SAMD8: variants seen among roughly 807,000 people sequenced by gnomAD.
SAMD8 encodes sterile alpha motif domain containing 8.
SAMD8 carries 20 observed loss-of-function variants against 42.0 expected under a neutral mutation model. The ratio of observed to expected loss-of-function variants is 0.48; its 90% CI spans 0.34 to 0.69. SAMD8 has a LOEUF of 0.69. Among genes scored for constraint, SAMD8 ranks in the 30% least tolerant of loss-of-function variants. The pLI, the probability that SAMD8 is intolerant of heterozygous loss-of-function variation, is 0.01. For synonymous variants in SAMD8, 162 were observed against 173.0 expected, an observed-to-expected ratio of 0.94 and a Z score of 0.50; for missense variants, 328 against 511.6, an observed-to-expected ratio of 0.64 and a Z score of 3.46.
At chr10:75,105,806 G>A in intron 1 of SAMD8, 1 of 1,551,008 alleles carries the variant, frequency 6.4e-7, no homozygotes, top group Non-Finnish European at 8.7e-7. Context: ...TGCAGCATGA[G>A]GTAGGCCAGG....
chr10:75,105,225 T>C (rs768616116), intron 1 of SAMD8, among the ~76,000 whole-genome samples: 71 of 152,218 alleles, frequency 4.7e-4, no homozygotes, highest in Middle Eastern at 3.4e-3. Flanking sequence ...ATGTGGAGGT[T>C]CAGGAGGGTC....
At chr10:75,132,681 G>A (rs1019275991) in intron 1 of SAMD8, among the ~76,000 whole-genome samples, 3 of 132,294 alleles carry the variant, frequency 2.3e-5, no homozygotes, top group Non-Finnish European at 4.6e-5. Context: ...GACTGAAATA[G>A]CTGTCCAAAG....
rs183287257 is a variant in SAMD8 at position 75,120,925 on chromosome 10, C to T, written c.-16+9203C>T. On this transcript the variant is annotated intron_variant, in intron 1 of 5. Transcript: ENST00000542569. The stretch of plus-strand genomic sequence containing the variant: ...CCTCCCGAGTAGCTGGGACTACTGT[C>T]GTGCACCACCACACCTGGCTAATTT... Among the ~76,000 whole-genome samples, 23 of 151,884 alleles carry T rather than the reference C, an allele frequency of 1.5e-4. No homozygotes were observed. The East Asian group carries it at 2.7e-3, about 18-fold the overall frequency.
In SAMD8 at chr10:75,133,759, G is replaced by A. The variant is rs1589946594; in HGVS notation, c.-15-16755G>A. Reference sequence around the variant, plus strand: ...ACTCATATATGGAATCTAAAAACAAGTTAATCTTGTAGAAGTAGAAAGTAG... The same window carrying A: ...ACTCATATATGGAATCTAAAAACAAATTAATCTTGTAGAAGTAGAAAGTAG... On this transcript the variant is annotated intron_variant, in intron 1 of 5. Coordinates refer to ENST00000542569, the MANE Select transcript of SAMD8 (RefSeq NM_001174156.2). Among the ~76,000 whole-genome samples the A allele has an allele frequency of 2.0e-5, 3 of 152,312 alleles. No homozygotes were observed. In the South Asian group the frequency reaches 6.2e-4, roughly 32 times the overall value.
chr10:75,126,523 A>G (rs1255600745), intron 1 of SAMD8, among the ~76,000 whole-genome samples: 3 of 136,736 alleles, frequency 2.2e-5, no homozygotes, highest in African/African-American at 8.3e-5. Context: ...TTTTTTTGAG[A>G]CAGTATCTTG....
chr10:75,135,992 C>T (rs1839878867), intron 1 of SAMD8, among the ~76,000 whole-genome samples: 1 of 151,890 alleles, frequency 6.6e-6, no homozygotes, highest in African/African-American at 2.4e-5. Flanking sequence ...TCTATCTTTC[C>T]TAAAAATAAA....
intron 1 of SAMD8, among the ~76,000 whole-genome samples, chr10:75,139,655 G>T (rs900218255): frequency 2.6e-5 from 4 of 152,102 alleles, no homozygotes; most frequent in African/African-American, 9.7e-5. Context: ...ATCCTTTAGG[G>T]ATTAGTTTTC....
At chr10:75,142,724 C>T (rs149817976) in intron 1 of SAMD8, among the ~76,000 whole-genome samples, 4,041 of 152,250 alleles carry the variant, frequency 0.027, 83 homozygotes, top group Non-Finnish European at 0.043. Context: ...CATGAGCCAC[C>T]ACCCGGCCTA....
intron 1 of SAMD8, among the ~76,000 whole-genome samples, chr10:75,113,170 A>C (rs1308769975): frequency 6.6e-6 from 1 of 152,250 alleles, no homozygotes; most frequent in African/African-American, 2.4e-5. Flanking sequence ...ACATAGTTCC[A>C]AAACATAATT....
intron 1 of SAMD8, among the ~76,000 whole-genome samples, chr10:75,115,972 A>G (rs558285479): frequency 6.6e-6 from 1 of 152,080 alleles, no homozygotes; most frequent in Non-Finnish European, 1.5e-5. Context: ...CTATTAACTA[A>G]GAAAAACTTG....
chr10:75,108,214 G>C, upstream of SAMD8: 3 of 1,593,386 alleles, frequency 1.9e-6, no homozygotes, highest in Non-Finnish European at 2.6e-6. Context: ...GTGGCCCTGG[G>C]GAGGGCAGGA....
At chr10:75,131,212 T>C (rs941095014) in intron 1 of SAMD8, among the ~76,000 whole-genome samples, 20 of 152,236 alleles carry the variant, frequency 1.3e-4, no homozygotes, top group African/African-American at 4.1e-4. Flanking sequence ...TATAGTATTA[T>C]TTAATCTGAG....
chr10:75,143,772 A>T (rs1840072361), intron 1 of SAMD8, among the ~76,000 whole-genome samples: 1 of 151,816 alleles, frequency 6.6e-6, no homozygotes, highest in African/African-American at 2.4e-5. Flanking sequence ...GGAGTTTGTT[A>T]AGCTTCTTGG....
At chr10:75,160,363 ATTTT>A (rs57933345) in intron 2 of SAMD8, among the ~76,000 whole-genome samples, 1 of 143,040 alleles carries the variant, frequency 7.0e-6, no homozygotes, top group South Asian at 2.2e-4. Context: ...CGCCAGGCTA[ATTTT>A]TTTTTTTTTT....
intron 4 of SAMD8, among the ~76,000 whole-genome samples, chr10:75,172,435 G>A (rs140648355): frequency 1.3e-5 from 2 of 151,858 alleles, no homozygotes; most frequent in African/African-American, 4.8e-5. Context: ...CCTGGTCTCA[G>A]GCAGTCCTCC....
At position 75,150,843 on chromosome 10, in the gene SAMD8, GAGTAC is replaced by G; in HGVS notation, c.318_322del (p.Ser106ArgfsTer5). The G allele has an allele frequency of 6.2e-7, 1 of 1,614,096 alleles. No individual in the cohort carries two copies. Among genetic ancestry groups the G allele is most frequent in the Non-Finnish European group, 8.5e-7 (1 of 1,179,998 alleles). On this transcript the variant is annotated frameshift_variant, in exon 2 of 6. Coordinates refer to ENST00000542569, the MANE Select transcript of SAMD8 (RefSeq NM_001174156.2). LOFTEE classifies it high-confidence loss of function. The stretch of plus-strand genomic sequence containing the variant: ...TGACCCCTTTCATCAGTGCTCTTCA[GAGTAC>G]AGACTGGCTCTGTAATGGGGAGCTT...
At chr10:75,101,626 C>T (rs572588644) in intron 1 of SAMD8, among the ~76,000 whole-genome samples, 2 of 152,314 alleles carry the variant, frequency 1.3e-5, no homozygotes, top group South Asian at 2.1e-4. Flanking sequence ...GAAACCGAGA[C>T]TCAGAGAGGT....
At chr10:75,174,749 T>A (rs537888417) in intron 4 of SAMD8, among the ~76,000 whole-genome samples, 1 of 152,090 alleles carries the variant, frequency 6.6e-6, no homozygotes, top group Admixed American at 6.6e-5. Context: ...TTTTTTTTTT[T>A]AAGTGACTGT....
intron 1 of SAMD8, among the ~76,000 whole-genome samples, chr10:75,101,423 G>A (rs937894351): frequency 2.0e-5 from 3 of 152,086 alleles, no homozygotes; most frequent in Non-Finnish European, 1.5e-5. Flanking sequence ...ACTTCCCTAC[G>A]GGACAGTGAG....
Sources: gnomAD v4.1 joint callset for allele counts (sites outside exome capture counted in the v4.1 genomes callset) on GRCh38, gnomAD v4.1.1 for gene constraint, MANE v1.5 for transcripts, NCBI Gene and HGNC (gene_info 2026-07-23, HGNC 2026-07-21) for gene names.